CACNB4: variants seen among roughly 807,000 people sequenced by gnomAD.
The protein encoded by CACNB4 is calcium voltage-gated channel auxiliary subunit beta 4, also known as voltage-dependent L-type calcium channel subunit beta-4.
Under a neutral mutation model 71.2 loss-of-function variants are expected in CACNB4, and 32 were observed. The observed-to-expected ratio is 0.45, with a 90% CI of 0.34 to 0.60. The LOEUF (loss-of-function observed/expected upper bound fraction) is 0.60, where lower values mean the gene tolerates loss of function less well. CACNB4 is among the 20% of genes least tolerant of loss of function. The pLI, the probability that CACNB4 is intolerant of heterozygous loss-of-function variation, is 0.01. For missense variants in CACNB4, 464 were observed against 647.9 expected (o/e 0.72, Z 3.08); for synonymous variants, 231 against 236.9 (o/e 0.97, Z 0.23).
At chr2:151,841,338 C>T (rs1028952723) in intron 13 of CACNB4, among the ~76,000 whole-genome samples, 3 of 151,980 alleles carry the variant, frequency 2.0e-5, no homozygotes, top group Admixed American at 2.0e-4. Flanking sequence ...TTTGGGAGGC[C>T]AAGGCAGGAA....
chr2:152,005,440 T>C (rs1682666902), intron 2 of CACNB4, among the ~76,000 whole-genome samples: 1 of 152,198 alleles, frequency 6.6e-6, no homozygotes. Flanking sequence ...AAGAACTGAA[T>C]GTTCTCACTT....
chr2:152,084,790 T>G (rs1176127848), intron 2 of CACNB4, among the ~76,000 whole-genome samples: 1 of 151,774 alleles, frequency 6.6e-6, no homozygotes, highest in Non-Finnish European at 1.5e-5. Flanking sequence ...TTTTTTTTTT[T>G]AATTTGTTTT....
chr2:152,080,477 A>G (rs1361366265), intron 2 of CACNB4, among the ~76,000 whole-genome samples: 1 of 152,114 alleles, frequency 6.6e-6, no homozygotes, highest in Non-Finnish European at 1.5e-5. Flanking sequence ...GTTTCTCTCT[A>G]GTTTCAGGGT....
chr2:151,840,324 A>C (rs1325139445), intron 13 of CACNB4, among the ~76,000 whole-genome samples: 2 of 152,232 alleles, frequency 1.3e-5, no homozygotes, highest in African/African-American at 4.8e-5. Context: ...TGGGAGAAGA[A>C]ATAGGCCACA....
intron 2 of CACNB4, chr2:151,969,229 T>C (rs1397643155): frequency 2.0e-5 from 3 of 152,188 alleles, no homozygotes; most frequent in Non-Finnish European, 2.9e-5. Flanking sequence ...TCTCTATAAA[T>C]AGGCCAGAAA....
chr2:151,972,211 C>A (rs542476612), intron 2 of CACNB4: 1 of 152,620 alleles, frequency 6.6e-6, no homozygotes, highest in East Asian at 1.9e-4. Flanking sequence ...CCAGTTTCTA[C>A]AGGCATTTCT....
chr2:151,998,448 G>A (rs1682200627), intron 2 of CACNB4, among the ~76,000 whole-genome samples: 1 of 151,916 alleles, frequency 6.6e-6, no homozygotes, highest in African/African-American at 2.4e-5. Context: ...TCTGCTACAT[G>A]TTACCTGAAT....
intron 2 of CACNB4, among the ~76,000 whole-genome samples, chr2:151,891,501 C>T (rs756984023): frequency 6.6e-5 from 10 of 152,122 alleles, no homozygotes; most frequent in Non-Finnish European, 1.2e-4. Flanking sequence ...TGTAATTTCA[C>T]GTGGTTCAAC....
chr2:151,935,515 CAA>C (rs2099862719), intron 2 of CACNB4, among the ~76,000 whole-genome samples: 1 of 152,142 alleles, frequency 6.6e-6, no homozygotes, highest in African/African-American at 2.4e-5. Flanking sequence ...ATTTTTAACA[CAA>C]AAACAGCCTA....
At chr2:151,912,186 A>G (rs2099856340) in intron 2 of CACNB4, among the ~76,000 whole-genome samples, 1 of 151,870 alleles carries the variant, frequency 6.6e-6, no homozygotes, top group African/African-American at 2.4e-5. Context: ...CTCTGATCTT[A>G]GTTATTTCTT....
intron 2 of CACNB4, among the ~76,000 whole-genome samples, chr2:152,035,651 C>CTCTCTCTCTCTCTCTATATATA (rs796161186): frequency 1.6e-4 from 19 of 118,072 alleles, no homozygotes; most frequent in African/African-American, 6.5e-4. Flanking sequence ...CTCTCTCTCT[C>CTCTCTCTCTCTCTCTATATATA]TATATATATA....
chr2:152,077,985 T>G (rs1166387299), intron 2 of CACNB4, among the ~76,000 whole-genome samples: 1 of 152,110 alleles, frequency 6.6e-6, no homozygotes, highest in Non-Finnish European at 1.5e-5. Context: ...TGCTGGCATA[T>G]GGACAGAGGG....
At chr2:152,043,734 A>C (rs1050936680) in intron 2 of CACNB4, among the ~76,000 whole-genome samples, 1 of 152,216 alleles carries the variant, frequency 6.6e-6, no homozygotes, top group Non-Finnish European at 1.5e-5. Flanking sequence ...ATTTGTGGCA[A>C]GATGTCTCAA....
intron 2 of CACNB4, among the ~76,000 whole-genome samples, chr2:152,030,007 G>A (rs1684194099): frequency 6.6e-6 from 1 of 152,136 alleles, no homozygotes; most frequent in Non-Finnish European, 1.5e-5. Context: ...AACAAGAAAA[G>A]AGCAAATTAC....
chr2:152,029,507 A>AGAAAAG (rs545046826), intron 2 of CACNB4, among the ~76,000 whole-genome samples: 6 of 104,746 alleles, frequency 5.7e-5, no homozygotes, highest in Admixed American at 3.2e-4. Context: ...AAAAAAAAAA[A>AGAAAAG]AAAAGAAAAG....
At chr2:152,089,991 C>G (rs1287379688) in intron 2 of CACNB4, among the ~76,000 whole-genome samples, 1 of 152,182 alleles carries the variant, frequency 6.6e-6, no homozygotes, top group African/African-American at 2.4e-5. Flanking sequence ...CTCCACATGT[C>G]TGTAGAGTCT....
At chr2:151,855,513 T>G (rs892321147) in intron 10 of CACNB4, 138 bp from the exon 11 acceptor site, 2 of 641,824 alleles carry the variant, frequency 3.1e-6, no homozygotes, top group Non-Finnish European at 4.9e-6. Context: ...CCTGTCTAAT[T>G]TAAGACATTT....
intron 2 of CACNB4, among the ~76,000 whole-genome samples, chr2:151,992,392 G>A (rs763278844): frequency 6.6e-6 from 1 of 152,208 alleles, no homozygotes; most frequent in Non-Finnish European, 1.5e-5. Flanking sequence ...AATAAACAGT[G>A]CACATTTACT....
intron 2 of CACNB4, among the ~76,000 whole-genome samples, chr2:152,075,042 A>C (rs531551368): frequency 5.2e-4 from 79 of 152,326 alleles, no homozygotes; most frequent in African/African-American, 1.8e-3. Flanking sequence ...ATACCGATAC[A>C]TATTATGGCC....
Sources: gnomAD v4.1 joint callset for allele counts (sites outside exome capture counted in the v4.1 genomes callset) on GRCh38, gnomAD v4.1.1 for gene constraint, MANE v1.5 for transcripts, NCBI Gene and HGNC (gene_info 2026-07-23, HGNC 2026-07-21) for gene names.